The following PCDHA12 variants were observed in gnomAD, a reference collection of about 807,000 sequenced individuals.
PCDHA12 encodes the protein protocadherin alpha-12.
A neutral mutation model predicts 60.0 loss-of-function variants in PCDHA12; 44 were observed. That is an observed-to-expected ratio of 0.73 (90% CI 0.58 to 0.94). PCDHA12 has a LOEUF of 0.94. Among genes scored for constraint, PCDHA12 ranks in the 40% least tolerant of loss-of-function variants. PCDHA12 has a pLI of 0.00. For missense variants in PCDHA12, 1,276 were observed against 1,239.7 expected (o/e 1.03, Z -0.44); for synonymous variants, 569 against 553.0 (o/e 1.03, Z -0.40).
At chr5:140,894,656 C>T (rs2064591261) in intron 1 of PCDHA12, among the ~76,000 whole-genome samples, 2 of 151,616 alleles carry the variant, frequency 1.3e-5, no homozygotes, top group Non-Finnish European at 2.9e-5. Flanking sequence ...CTCTCTAATT[C>T]TGATTTGTGT....
intron 1 of PCDHA12, chr5:140,968,131 G>A (rs1485866692): frequency 1.2e-6 from 2 of 1,614,042 alleles, no homozygotes; most frequent in African/African-American, 1.3e-5. Context: ...TGCGTACACT[G>A]AAGGTTGAGA....
chr5:140,981,026 A>T (rs1300851844), intron 2 of PCDHA12, among the ~76,000 whole-genome samples: 3 of 152,088 alleles, frequency 2.0e-5, no homozygotes, highest in Admixed American at 6.5e-5. Flanking sequence ...GGCTGTTAAT[A>T]TTTGGGGAAA....
At chr5:140,895,143 A>T (rs115893558) in intron 1 of PCDHA12, among the ~76,000 whole-genome samples, 1 of 152,158 alleles carries the variant, frequency 6.6e-6, no homozygotes, top group African/African-American at 2.4e-5. Flanking sequence ...CATAGGGCTA[A>T]GACAGGTTTA....
intron 1 of PCDHA12, among the ~76,000 whole-genome samples, chr5:140,941,226 T>TCTTTCTTTCTTTCTTTCTTTCTTC (rs2092915713): frequency 1.5e-5 from 2 of 135,514 alleles, no homozygotes; most frequent in Admixed American, 7.6e-5. Flanking sequence ...TTTCTTTCTT[T>TCTTTCTTTCTTTCTTTCTTTCTTC]CTTTCTTTCT....
intron 1 of PCDHA12, among the ~76,000 whole-genome samples, chr5:140,885,133 T>G (rs2060482847): frequency 6.6e-6 from 1 of 152,216 alleles, no homozygotes; most frequent in Admixed American, 6.5e-5. Context: ...CTTTCTTTCT[T>G]TTTTTAAACT....
chr5:140,966,578 G>A, intron 1 of PCDHA12: 1 of 527,316 alleles, frequency 1.9e-6, no homozygotes, highest in Non-Finnish European at 3.1e-6. Context: ...GGGAGTCAGC[G>A]AGGACGGTGG....
At chr5:140,959,624 AAAAG>A (rs2095502972) in intron 1 of PCDHA12, among the ~76,000 whole-genome samples, 1 of 152,220 alleles carries the variant, frequency 6.6e-6, no homozygotes, top group Non-Finnish European at 1.5e-5. Context: ...GTGATAGAAA[AAAAG>A]AGAGAAAAAA....
At chr5:140,883,040 G>A (rs994931084) in intron 1 of PCDHA12, 1 of 1,614,062 alleles carries the variant, frequency 6.2e-7, no homozygotes, top group Non-Finnish European at 8.5e-7. Flanking sequence ...CGCCTTCAAT[G>A]GAACATTAGT....
At chr5:140,924,223 T>A (rs2081726593) in intron 1 of PCDHA12, among the ~76,000 whole-genome samples, 1 of 152,230 alleles carries the variant, frequency 6.6e-6, no homozygotes, top group South Asian at 2.1e-4. Context: ...ATAAGTTCAA[T>A]TTTTATGGGC....
intron 1 of PCDHA12, chr5:140,882,333 C>T (rs1052199425): frequency 3.8e-5 from 61 of 1,614,102 alleles, no homozygotes; most frequent in Non-Finnish European, 5.0e-5. Flanking sequence ...CTGATCCTCG[C>T]AGCCTGGGAG....
chr5:140,898,330 G>A (rs536378486), intron 1 of PCDHA12, among the ~76,000 whole-genome samples: 29 of 152,102 alleles, frequency 1.9e-4, no homozygotes, highest in African/African-American at 6.0e-4. Flanking sequence ...TGGGTCTAAC[G>A]TTTAAGTCTT....
At chr5:140,976,894 CAGT>C (rs1199753516) in intron 1 of PCDHA12, among the ~76,000 whole-genome samples, 1 of 152,132 alleles carries the variant, frequency 6.6e-6, no homozygotes, top group African/African-American at 2.4e-5. Context: ...ATACATGCAA[CAGT>C]ATGTAATAAA....
intron 1 of PCDHA12, chr5:140,966,695 C>G: frequency 7.4e-7 from 1 of 1,358,486 alleles, no homozygotes; most frequent in Non-Finnish European, 9.5e-7. Flanking sequence ...AGGCGGGGCC[C>G]GGGCGTGGGG....
chr5:140,931,864 T>G (rs1554208617), intron 1 of PCDHA12, among the ~76,000 whole-genome samples: 1 of 151,976 alleles, frequency 6.6e-6, no homozygotes, highest in African/African-American at 2.4e-5. Flanking sequence ...ATTCTAGAAA[T>G]AAAATATTTA....
chr5:140,953,464 T>C (rs2094890309), intron 1 of PCDHA12, among the ~76,000 whole-genome samples: 1 of 152,142 alleles, frequency 6.6e-6, no homozygotes. Flanking sequence ...GTCAGAGTTT[T>C]AACTTCCTCA....
At chr5:140,882,325 G>A (rs2059066855) in intron 1 of PCDHA12, 1 of 1,614,182 alleles carries the variant, frequency 6.2e-7, no homozygotes, top group Non-Finnish European at 8.5e-7. Context: ...TCTGGCTTCT[G>A]ATCCTCGCAG....
intron 1 of PCDHA12, among the ~76,000 whole-genome samples, chr5:140,954,988 A>G (rs554115730): frequency 2.0e-5 from 3 of 152,204 alleles, no homozygotes; most frequent in Admixed American, 6.5e-5. Context: ...AATTTTCTGC[A>G]TATGGCTAGC....
intron 1 of PCDHA12, among the ~76,000 whole-genome samples, chr5:140,914,458 A>G (rs1294717004): frequency 6.6e-6 from 1 of 152,004 alleles, no homozygotes; most frequent in Non-Finnish European, 1.5e-5. Flanking sequence ...TTTCCAGTCT[A>G]TGTGTATCTT....
At chr5:140,917,334 G>GGGGGGGGGGGGGGT in intron 1 of PCDHA12, among the ~76,000 whole-genome samples, 1 of 147,630 alleles carries the variant, frequency 6.8e-6, no homozygotes, top group Non-Finnish European at 1.5e-5. Flanking sequence ...CGGGGGAGGG[G>GGGGGGGGGGGGGGT]GGGGATGGTG....
Sources: allele counts gnomAD v4.1 joint callset (sites outside exome capture counted in the v4.1 genomes callset), GRCh38; gene constraint gnomAD v4.1.1; transcripts MANE v1.5; gene names NCBI Gene and HGNC (gene_info 2026-07-23, HGNC 2026-07-21).